Variants in KCNAB1 observed in about 807,000 individuals in gnomAD.
The protein encoded by KCNAB1 is voltage-gated potassium channel subunit beta-1.
In KCNAB1, 35 loss-of-function variants were observed where a neutral mutation model predicts 64.6. That is an observed-to-expected ratio of 0.54 (90% CI 0.41 to 0.72). The LOEUF is 0.72. KCNAB1 is among the 30% of genes least tolerant of loss of function. The probability of loss-of-function intolerance (pLI) is 0.00; values close to 1 mark genes in which losing one functional copy is unlikely to be tolerated. For missense variants in KCNAB1, 401 were observed against 512.9 expected (o/e 0.78, Z 2.11); for synonymous variants, 177 against 183.8 (o/e 0.96, Z 0.30).
chr3:156,453,261 T>C (rs1712138417), intron 3 of KCNAB1: 1 of 187,066 alleles, frequency 5.3e-6, no homozygotes, highest in Non-Finnish European at 1.1e-5. Context: ...TGTTTACTTT[T>C]AGCTGCAATT....
chr3:156,302,784 G>T (rs1370239167), intron 1 of KCNAB1, among the ~76,000 whole-genome samples: 1 of 151,822 alleles, frequency 6.6e-6, no homozygotes, highest in Non-Finnish European at 1.5e-5. Context: ...TAAATTAAGG[G>T]GTCAACATTA....
chr3:156,242,543 T>C (rs979653486), intron 1 of KCNAB1, among the ~76,000 whole-genome samples: 1 of 149,140 alleles, frequency 6.7e-6, no homozygotes, highest in African/African-American at 2.6e-5. Flanking sequence ...TTTTATACAC[T>C]TTTTTTTTCT....
intron 1 of KCNAB1, among the ~76,000 whole-genome samples, chr3:156,261,281 T>A (rs1022213442): frequency 9.9e-5 from 15 of 152,002 alleles, no homozygotes; most frequent in African/African-American, 3.6e-4. Context: ...TTCTTTTATA[T>A]ATTTTCTTTT....
At chr3:156,303,172 C>T (rs1721272320) in intron 1 of KCNAB1, among the ~76,000 whole-genome samples, 1 of 152,150 alleles carries the variant, frequency 6.6e-6, no homozygotes, top group South Asian at 2.1e-4. Flanking sequence ...TGGGTGTTCC[C>T]CAGTTCTTTC....
chr3:156,324,324 A>G (rs2108031378), intron 1 of KCNAB1, among the ~76,000 whole-genome samples: 1 of 152,308 alleles, frequency 6.6e-6, no homozygotes, highest in East Asian at 1.9e-4. Context: ...ATATTAGTCT[A>G]TATTACAATG....
chr3:156,300,405 T>C (rs1420186081), intron 1 of KCNAB1, among the ~76,000 whole-genome samples: 1 of 152,168 alleles, frequency 6.6e-6, no homozygotes, highest in African/African-American at 2.4e-5. Flanking sequence ...CCAGCAGTTT[T>C]CTCCTAGATT....
At chr3:156,175,737 C>A in intron 1 of KCNAB1, 1 of 550,786 alleles carries the variant, frequency 1.8e-6, no homozygotes. Context: ...TGGCCACCAC[C>A]TCCTCTGTTT....
intron 1 of KCNAB1, among the ~76,000 whole-genome samples, chr3:156,368,357 C>A (rs182504370): frequency 4.6e-5 from 7 of 152,240 alleles, no homozygotes; most frequent in South Asian, 2.1e-4. Flanking sequence ...CCTGGTGATC[C>A]GTTCAAAGGG....
rs560751713 is a variant in KCNAB1 at position 156,146,748 on chromosome 3, G to A, written c.275+25862G>A. ...CCAATGAAACTTTATTTATGGACAC[G>A]GAAATTTGAATTTTATAGTTTTTGC... On this transcript the variant is annotated intron_variant, in intron 1 of 13. Transcript: ENST00000490337. Among the ~76,000 whole-genome samples the A allele has an allele frequency of 1.6e-3, 247 of 152,292 alleles. 2 individuals are homozygous for A. Among genetic ancestry groups the A allele is most frequent in the African/African-American group, 5.5e-3 (228 of 41,544 alleles).
rs76200123 is a variant in KCNAB1, at chr3:156,515,002, C to T, written c.745-98C>T. 3,144 of 1,253,688 alleles carry T rather than the reference C, an allele frequency of 2.5e-3. 55 individuals carry two copies. The East Asian group carries it at 0.03, about 12-fold the overall frequency. 77.7% of individuals were successfully genotyped at this position (1,253,688 alleles called of 1,614,324 possible). A position where few individuals can be genotyped will look rare whatever the true frequency, so the allele number is the denominator to read the frequency against. On this transcript the variant is annotated intron_variant, in intron 9 of 13. Transcript: ENST00000490337. ...CATCCTACATGTTTCTTGGTTTGTA[C>T]TGATTTCACCAAAGTAAACATTTCT...
At chr3:156,187,795 C>G (rs1272309350) in intron 1 of KCNAB1, among the ~76,000 whole-genome samples, 1 of 152,364 alleles carries the variant, frequency 6.6e-6, no homozygotes, top group East Asian at 1.9e-4. Context: ...CAAATCAGGT[C>G]ATTTCCCTAC....
intron 1 of KCNAB1, among the ~76,000 whole-genome samples, chr3:156,395,664 TTTTA>T (rs1166112929): frequency 6.6e-6 from 1 of 151,832 alleles, no homozygotes; most frequent in Non-Finnish European, 1.5e-5. Context: ...AATTTTATTG[TTTTA>T]TTTATTTATT....
At chr3:156,337,914 C>T (rs1723823134) in intron 1 of KCNAB1, among the ~76,000 whole-genome samples, 1 of 152,210 alleles carries the variant, frequency 6.6e-6, no homozygotes, top group African/African-American at 2.4e-5. Flanking sequence ...TTATCTATTT[C>T]TCTGTTCCAA....
intron 1 of KCNAB1, among the ~76,000 whole-genome samples, chr3:156,307,746 T>C (rs1270962822): frequency 2.0e-5 from 3 of 152,244 alleles, no homozygotes; most frequent in Non-Finnish European, 4.4e-5. Context: ...AGGGCAGGTC[T>C]GTCTAATTAC....
In KCNAB1 at chr3:156,536,641, TCTC is replaced by T. The variant is rs761272278; in HGVS notation, c.1171-11_1171-9del. 2.8e-5 allele frequency: 43 copies of T among 1,554,284 alleles called. No individual in the cohort carries two copies. Among genetic ancestry groups the T allele is most frequent in the Admixed American group, 6.7e-5 (4 of 59,920 alleles). ...CACTGCTAACAATATCCTTTGTACT[TCTC>T]CTCCTGCTCTCAGGTTCTCCCAAAG... On this transcript the variant is annotated splice_polypyrimidine_tract_variant and intron_variant, in intron 13 of 13. Transcript: ENST00000490337.
rs140947396 is a variant in KCNAB1 at position 156,243,386 on chromosome 3, G to A, written c.275+122500G>A. On this transcript the variant is annotated intron_variant, in intron 1 of 13. Transcript: ENST00000490337. ...ATTACAGGCCTGCGCCACCATGCCC[G>A]GCTAATTTCTTTTTGTATTTTAGTA... 3.3e-3 allele frequency among the ~76,000 whole-genome samples: 500 copies of A among 151,922 alleles called. 1 individual carries two copies. The highest frequency in any genetic ancestry group is 0.014 in the East Asian group (70 of 5,144).
chr3:156,213,430 T>C (rs1474395885), intron 1 of KCNAB1, among the ~76,000 whole-genome samples: 1 of 152,210 alleles, frequency 6.6e-6, no homozygotes, highest in Non-Finnish European at 1.5e-5. Flanking sequence ...ACCAGGCTGG[T>C]CTTGAACTTC....
chr3:156,201,385 C>T (rs550880758), intron 1 of KCNAB1, among the ~76,000 whole-genome samples: 5 of 152,342 alleles, frequency 3.3e-5, no homozygotes, highest in Non-Finnish European at 7.4e-5. Context: ...ATCCTCCCCA[C>T]CCCAACAATC....
intron 1 of KCNAB1, among the ~76,000 whole-genome samples, chr3:156,333,409 C>T (rs1723477713): frequency 6.6e-6 from 1 of 151,200 alleles, no homozygotes; most frequent in Admixed American, 6.6e-5. Context: ...ACACATTGAC[C>T]TTCGTCTTGC....
Sources: gnomAD v4.1 joint callset for allele counts (sites outside exome capture counted in the v4.1 genomes callset) on GRCh38, gnomAD v4.1.1 for gene constraint, MANE v1.5 for transcripts, NCBI Gene and HGNC (gene_info 2026-07-23, HGNC 2026-07-21) for gene names.